Variants in SQSTM1 observed in about 807,000 individuals in gnomAD.
SQSTM1 encodes sequestosome-1.
Under a neutral mutation model 45.1 loss-of-function variants are expected in SQSTM1, and 36 were observed. The observed-to-expected ratio is 0.80, with a 90% CI of 0.61 to 1.05. The LOEUF (loss-of-function observed/expected upper bound fraction) is 1.05. Ranked by LOEUF, SQSTM1 falls within the 50% of genes least tolerant of loss-of-function variation. The probability of loss-of-function intolerance (pLI) is 0.00; values close to 1 mark genes in which losing one functional copy is unlikely to be tolerated. For missense variants in SQSTM1, 617 were observed against 607.1 expected (o/e 1.02, Z -0.17); for synonymous variants, 290 against 244.3 (o/e 1.19, Z -1.74).
upstream of SQSTM1, among the ~76,000 whole-genome samples, chr5:179,817,699 G>C (rs1044514020): frequency 6.6e-6 from 1 of 152,166 alleles, no homozygotes; most frequent in Non-Finnish European, 1.5e-5. Flanking sequence ...CTTTGGGCTT[G>C]TCTGAAAGGG....
Position 179,833,675 on chromosome 5 carries a change from T to C in SQSTM1, c.1058T>C (p.Leu353Pro). 1.9e-6 allele frequency: 3 copies of C among 1,614,108 alleles called. No individual in the cohort carries two copies. The highest frequency in any genetic ancestry group is 2.5e-6 in the Non-Finnish European group (3 of 1,180,018). Residue 353 changes from leucine to proline, a missense_variant, in exon 7 of 8, where the codon CTC becomes CCC. Physicochemically the swap from Leu to Pro is moderately conservative, Grantham distance 98. Coordinates refer to ENST00000389805, the MANE Select transcript of SQSTM1 (RefSeq NM_003900.5). The part of the protein sequence containing the change: ...SKEVDPSTGE[L>P]QSLQMPESEG... ...GAAGTGGACCCGTCTACAGGTGAAC[T>C]CCAGTCCCTACAGATGCCAGAATCC...
Position 179,824,042 on chromosome 5 carries a change from G to A in SQSTM1, c.486G>A (p.Gly162=), listed in dbSNP as rs1284664878. The A allele has an allele frequency of 3.1e-6, 5 of 1,613,974 alleles. No homozygotes were observed. The highest frequency in any genetic ancestry group is 1.7e-5 in the Admixed American group (1 of 60,032). ...SVCEGKGLHR[G]HTKLAFPSPF... is the part of the protein sequence containing the mutation. ...GCGAGGGAAAGGGCTTGCACCGGGGGCACACCAAGCTCGCATTCCCCAGCC... is the reference window on the plus strand; with the variant it reads ...GCGAGGGAAAGGGCTTGCACCGGGGACACACCAAGCTCGCATTCCCCAGCC... The change falls in exon 3 of 8, where the codon GGG becomes GGA. Residue 162 remains glycine (G), a synonymous_variant. Coordinates refer to ENST00000389805, the MANE Select transcript of SQSTM1 (RefSeq NM_003900.5).
At chr5:179,814,058 G>A (rs1345186446), upstream of SQSTM1, among the ~76,000 whole-genome samples, 1 of 152,236 alleles carries the variant, frequency 6.6e-6, no homozygotes, top group Non-Finnish European at 1.5e-5. Flanking sequence ...GTACTTGAGA[G>A]GCAGAGGTGG....
chr5:179,821,382 G>C (rs985291876), intron 1 of SQSTM1, among the ~76,000 whole-genome samples: 4 of 152,204 alleles, frequency 2.6e-5, no homozygotes, highest in African/African-American at 9.6e-5. Context: ...CTGGGGCGGT[G>C]GAGCCCTGCC....
chr5:179,820,811 C>A (rs1042177022), upstream of SQSTM1: 10 of 930,936 alleles, frequency 1.1e-5, no homozygotes, highest in Admixed American at 2.9e-4. Flanking sequence ...ACGACGGTGG[C>A]GGGGGCGGGG....
chr5:179,809,323 T>G (rs1449727716), intron 1 of SQSTM1, among the ~76,000 whole-genome samples: 1 of 105,662 alleles, frequency 9.5e-6, no homozygotes, highest in Non-Finnish European at 1.9e-5. Context: ...CACGCCTGGC[T>G]AATTTTTTTT....
chr5:179,836,989 G>C lies in SQSTM1; in HGVS notation c.*396G>C, dbSNP rs150371553. 4 of 612,106 alleles carry C rather than the reference G, an allele frequency of 6.5e-6. No homozygotes were observed. Among genetic ancestry groups the C allele is most frequent in the African/African-American group, 5.5e-5 (3 of 54,056 alleles). The allele number at this position is 612,106 out of a possible 1,614,324, so 37.9% of individuals were successfully genotyped here. A position where few individuals can be genotyped will look rare whatever the true frequency, so the allele number is the denominator to read the frequency against. On this transcript the variant is annotated 3_prime_UTR_variant, in exon 8 of 8. Coordinates refer to ENST00000389805, the MANE Select transcript of SQSTM1 (RefSeq NM_003900.5). ...TTGATTATTTTCTGCTACAGACCTG[G>C]TACACTCTGATTTTAGATAAAGTAA... is the stretch of plus-strand genomic sequence containing the variant.
chr5:179,811,414 CA>C (rs1195540674), intron 1 of SQSTM1, among the ~76,000 whole-genome samples: 3 of 34,398 alleles, frequency 8.7e-5, no homozygotes, highest in Admixed American at 4.3e-4. Context: ...AGGAGCTATG[CA>C]GGGGGGAGGA....
Sources: allele counts gnomAD v4.1 joint callset (sites outside exome capture counted in the v4.1 genomes callset), GRCh38; gene constraint gnomAD v4.1.1; transcripts MANE v1.5; gene names NCBI Gene and HGNC (gene_info 2026-07-23, HGNC 2026-07-21).